SH2D4B: variants seen among roughly 807,000 people sequenced by gnomAD.
SH2D4B encodes SH2 domain containing 4B.
Under a neutral mutation model 61.5 loss-of-function variants are expected in SH2D4B, and 45 were observed. The ratio of observed to expected loss-of-function variants is 0.73; its 90% CI spans 0.58 to 0.94. The LOEUF is 0.94. SH2D4B is among the 40% of genes least tolerant of loss of function. SH2D4B has a pLI of 0.00. For missense variants in SH2D4B, 572 were observed against 574.2 expected, an observed-to-expected ratio of 1.00 and a Z score of 0.04; for synonymous variants, 224 against 220.4, an observed-to-expected ratio of 1.02 and a Z score of -0.14.
At chr10:80,610,233 T>C (rs1842580196) in intron 6 of SH2D4B, among the ~76,000 whole-genome samples, 1 of 152,184 alleles carries the variant, frequency 6.6e-6, no homozygotes, top group African/African-American at 2.4e-5. Context: ...ACTCCTTACC[T>C]ACAGCAGCCT....
intron 3 of SH2D4B, among the ~76,000 whole-genome samples, chr10:80,585,985 C>G (rs34413309): frequency 1.3e-5 from 2 of 152,108 alleles, no homozygotes; most frequent in African/African-American, 4.8e-5. Flanking sequence ...GAGCCGGCCC[C>G]GCCAGCCCGG....
rs376320311 is a variant in SH2D4B, at chr10:80,605,018, T to C, written c.860+1223T>C. Among the ~76,000 whole-genome samples, 964 of 152,208 alleles carry C rather than the reference T, an allele frequency of 6.3e-3. 8 individuals carry two copies. Among genetic ancestry groups the C allele is most frequent in the Middle Eastern group, 0.017 (5 of 292 alleles). ...CTGTGTTAGCCAGGATGGTCTCGATTTCCTGACCTTGTGATCTGCCCACCT... is the reference window on the plus strand; with the variant it reads ...CTGTGTTAGCCAGGATGGTCTCGATCTCCTGACCTTGTGATCTGCCCACCT... On this transcript the variant is annotated intron_variant, in intron 5 of 7. Transcript: ENST00000646907.
intron 1 of SH2D4B, among the ~76,000 whole-genome samples, chr10:80,565,938 A>C (rs967275267): frequency 6.6e-6 from 1 of 151,776 alleles, no homozygotes; most frequent in Non-Finnish European, 1.5e-5. Flanking sequence ...AAAATACAAA[A>C]AAATTAGCCA....
chr10:80,588,520 CA>C, intron 3 of SH2D4B, 109 bp from the exon 4 acceptor site: 4 of 1,379,182 alleles, frequency 2.9e-6, no homozygotes, highest in Non-Finnish European at 4.0e-6. Flanking sequence ...CTGGAGAGGC[CA>C]CTGCTGCACT....
chr10:80,551,830 G>C (rs1055321035), intron 1 of SH2D4B, among the ~76,000 whole-genome samples: 1 of 152,160 alleles, frequency 6.6e-6, no homozygotes, highest in Admixed American at 6.5e-5. Flanking sequence ...CTTAGTCCAG[G>C]CTGCTATAAG....
At chr10:80,593,401 G>A (rs1842353715) in intron 4 of SH2D4B, among the ~76,000 whole-genome samples, 1 of 152,134 alleles carries the variant, frequency 6.6e-6, no homozygotes, top group Admixed American at 6.5e-5. Context: ...TTTCAGTGTA[G>A]AAGCCTTGCC....
At chr10:80,597,344 G>A (rs1194785698) in intron 4 of SH2D4B, among the ~76,000 whole-genome samples, 1 of 152,126 alleles carries the variant, frequency 6.6e-6, no homozygotes, top group Non-Finnish European at 1.5e-5. Flanking sequence ...AGTTCAATAG[G>A]TAGGTGTGCC....
At chr10:80,626,732 C>T (rs970821565) in intron 6 of SH2D4B, among the ~76,000 whole-genome samples, 1 of 152,244 alleles carries the variant, frequency 6.6e-6, no homozygotes, top group Non-Finnish European at 1.5e-5. Flanking sequence ...TCAAGGCCCA[C>T]CTCACATTCC....
intron 3 of SH2D4B, among the ~76,000 whole-genome samples, chr10:80,582,142 A>G (rs1436491540): frequency 6.6e-6 from 1 of 152,154 alleles, no homozygotes; most frequent in Non-Finnish European, 1.5e-5. Flanking sequence ...ATACTTTTTC[A>G]TCTGTTTTTT....
chr10:80,643,640 C>T (rs1253768469), intron 7 of SH2D4B, among the ~76,000 whole-genome samples: 1 of 152,024 alleles, frequency 6.6e-6, no homozygotes, highest in Non-Finnish European at 1.5e-5. Flanking sequence ...TCCTCATTCC[C>T]CGACCTGCTT....
At chr10:80,574,847 C>T (rs1842106247) in intron 3 of SH2D4B, among the ~76,000 whole-genome samples, 1 of 151,938 alleles carries the variant, frequency 6.6e-6, no homozygotes, top group Non-Finnish European at 1.5e-5. Flanking sequence ...ATTGCAGGCA[C>T]CCACCACCAC....
intron 6 of SH2D4B, 45 bp from the exon 7 acceptor site, chr10:80,634,240 C>G: frequency 1.4e-6 from 2 of 1,476,326 alleles, no homozygotes; most frequent in South Asian, 1.4e-5. Flanking sequence ...GGGAGGCAGT[C>G]GCAGAACCTG....
Position 80,609,550 on chromosome 10 carries a change from T to A in SH2D4B, c.987T>A (p.His329Gln), listed in dbSNP as rs750373899. 6.2e-7 allele frequency: 1 copy of A among 1,614,196 alleles called. No homozygotes were observed. Among genetic ancestry groups the A allele is most frequent in the Non-Finnish European group, 8.5e-7 (1 of 1,180,024 alleles). ...RNTKFIAPWF[H>Q]GIISREDAEA... is the part of the protein sequence containing the mutation. ...CCAAGTTCATCGCCCCCTGGTTCCA[T>A]GGTAGCACCATTTTTCTGGGCCCTG... The change falls in exon 6 of 8, where the codon CAT becomes CAA. Residue 329 changes from histidine to glutamine, a missense_variant and splice_region_variant. Physicochemically the swap from His to Gln is conservative, Grantham distance 24 (BLOSUM62 0). Transcript: ENST00000646907.
intron 1 of SH2D4B, among the ~76,000 whole-genome samples, chr10:80,562,028 TACACACAC>T (rs150356380): frequency 0.011 from 1,522 of 144,488 alleles, 18 homozygotes; most frequent in African/African-American, 0.033. Flanking sequence ...CTCTTCCAAT[TACACACAC>T]ACACACACAC....
At chr10:80,544,119 C>T (rs568516883) in intron 1 of SH2D4B, among the ~76,000 whole-genome samples, 1 of 152,272 alleles carries the variant, frequency 6.6e-6, no homozygotes, top group Admixed American at 6.5e-5. Flanking sequence ...CTTGCTATTG[C>T]TCACTGTGGG....
At chr10:80,587,166 T>TA (rs1842267992) in intron 3 of SH2D4B, among the ~76,000 whole-genome samples, 1 of 141,506 alleles carries the variant, frequency 7.1e-6, no homozygotes, top group Non-Finnish European at 1.5e-5. Flanking sequence ...TTTTTTTTTT[T>TA]TTGGAGACGC....
chr10:80,567,822 T>A (rs74143173), intron 1 of SH2D4B, among the ~76,000 whole-genome samples: 7,199 of 152,238 alleles, frequency 0.047, 523 homozygotes, highest in African/African-American at 0.16. Context: ...TAGACCAGTG[T>A]AGCCTTTGAA....
intron 3 of SH2D4B, among the ~76,000 whole-genome samples, chr10:80,584,486 T>C (rs1842220151): frequency 6.6e-6 from 1 of 152,098 alleles, no homozygotes; most frequent in Non-Finnish European, 1.5e-5. Context: ...CCAGAAAAAA[T>C]GACTGGAAAG....
chr10:80,632,275 T>G (rs979504468), intron 6 of SH2D4B, among the ~76,000 whole-genome samples: 1 of 152,088 alleles, frequency 6.6e-6, no homozygotes, highest in Non-Finnish European at 1.5e-5. Flanking sequence ...GATTTTTAAG[T>G]GTTCTTACCA....
Sources: allele counts gnomAD v4.1 joint callset (sites outside exome capture counted in the v4.1 genomes callset), GRCh38; gene constraint gnomAD v4.1.1; transcripts MANE v1.5; gene names NCBI Gene and HGNC (gene_info 2026-07-23, HGNC 2026-07-21).